The following MTMR3 variants were observed in gnomAD, a reference collection of about 807,000 sequenced individuals.
MTMR3 encodes the protein myotubularin related protein 3.
Under a neutral mutation model 132.4 loss-of-function variants are expected in MTMR3, and 32 were observed. The observed-to-expected ratio is 0.24, with a 90% CI of 0.18 to 0.32. The LOEUF (loss-of-function observed/expected upper bound fraction) is 0.32. Ranked by LOEUF, MTMR3 falls within the 10% of genes least tolerant of loss-of-function variation. MTMR3 has a pLI of 1.00. For synonymous variants in MTMR3, 556 were observed against 550.3 expected, an observed-to-expected ratio of 1.01 and a Z score of -0.14; for missense variants, 1,216 against 1,489.6, an observed-to-expected ratio of 0.82 and a Z score of 3.02.
At chr22:29,949,359 G>A (rs1156462382) in intron 1 of MTMR3, among the ~76,000 whole-genome samples, 2 of 151,492 alleles carry the variant, frequency 1.3e-5, no homozygotes, top group South Asian at 2.1e-4. Context: ...GTGTGGTGGC[G>A]GTGGCAGGCA....
intron 1 of MTMR3, among the ~76,000 whole-genome samples, chr22:29,918,246 T>C (rs960624807): frequency 3.3e-5 from 5 of 152,238 alleles, no homozygotes; most frequent in Non-Finnish European, 7.3e-5. Context: ...TAGAGGTGTA[T>C]AGTGCTTTCT....
intron 5 of MTMR3, 183 bp from the exon 6 acceptor site, chr22:29,988,297 A>T: frequency 2.5e-6 from 1 of 402,898 alleles, no homozygotes; most frequent in East Asian, 3.8e-5. Context: ...ATTTAGAGAT[A>T]AAGGGAAGTC....
intron 2 of MTMR3, among the ~76,000 whole-genome samples, chr22:29,966,864 G>A (rs1233643100): frequency 6.6e-6 from 1 of 151,220 alleles, no homozygotes; most frequent in Non-Finnish European, 1.5e-5. Context: ...TAACCATTTT[G>A]CTCAAATTAT....
chr22:30,007,828 T>C (rs369013072), intron 10 of MTMR3, 73 bp from the exon 11 acceptor site: 3 of 1,543,874 alleles, frequency 1.9e-6, no homozygotes, highest in Non-Finnish European at 1.8e-6. Context: ...TAAGATGTGC[T>C]TGTGGGTCTA....
At chr22:29,949,188 T>TGCGTGC (rs1748348632) in intron 1 of MTMR3, among the ~76,000 whole-genome samples, 1 of 112,908 alleles carries the variant, frequency 8.9e-6, no homozygotes, top group African/African-American at 3.4e-5. Flanking sequence ...CACACACACA[T>TGCGTGC]GCGTGCGCGT....
chr22:29,922,803 A>G (rs928708231), intron 1 of MTMR3, among the ~76,000 whole-genome samples: 7 of 152,196 alleles, frequency 4.6e-5, no homozygotes, highest in Admixed American at 2.0e-4. Flanking sequence ...CCCAGCCAGC[A>G]CTTAAAAAAA....
At chr22:29,940,376 A>T (rs895395213) in intron 1 of MTMR3, among the ~76,000 whole-genome samples, 3 of 151,032 alleles carry the variant, frequency 2.0e-5, no homozygotes, top group Non-Finnish European at 4.4e-5. Flanking sequence ...GCCTATCCCA[A>T]ACCTGTAAGA....
At chr22:29,924,754 T>C (rs139460636) in intron 1 of MTMR3, among the ~76,000 whole-genome samples, 2 of 152,322 alleles carry the variant, frequency 1.3e-5, no homozygotes, top group East Asian at 3.9e-4. Context: ...ATTTGTAGTT[T>C]TCAGTATAAT....
intron 17 of MTMR3, 101 bp downstream of exon 17, chr22:30,020,985 A>G (rs2067731385): frequency 2.6e-6 from 3 of 1,166,416 alleles, no homozygotes; most frequent in Non-Finnish European, 3.6e-6. Context: ...ACAGGTTGTT[A>G]AAGGATTGGA....
At chr22:29,947,088 A>T (rs1372576724) in intron 1 of MTMR3, among the ~76,000 whole-genome samples, 1 of 152,226 alleles carries the variant, frequency 6.6e-6, no homozygotes, top group Non-Finnish European at 1.5e-5. Context: ...GCATTTTAAC[A>T]TATATACATG....
chr22:29,935,487 C>G (rs998539084), intron 1 of MTMR3, among the ~76,000 whole-genome samples: 11 of 152,190 alleles, frequency 7.2e-5, no homozygotes, highest in African/African-American at 2.7e-4. Flanking sequence ...TCTTACCTTA[C>G]ACACTAGTAT....
rs111613315 is a variant in MTMR3, at chr22:29,909,386, C to T, written c.-138+26027C>T. 5.3e-3 allele frequency among the ~76,000 whole-genome samples: 808 copies of T among 152,162 alleles called. 3 individuals carry two copies. Among genetic ancestry groups the T allele is most frequent in the African/African-American group, 0.016 (679 of 41,496 alleles). The stretch of plus-strand genomic sequence containing the variant: ...TTTGAGATTGAGTGCTTTGACTTTT[C>T]TCTTGTTTTTGTATTTGCTGTATAT... On this transcript the variant is annotated intron_variant, in intron 1 of 19. Transcript: ENST00000401950.
At chr22:29,947,329 T>C (rs558853727) in intron 1 of MTMR3, among the ~76,000 whole-genome samples, 1 of 152,192 alleles carries the variant, frequency 6.6e-6, no homozygotes, top group African/African-American at 2.4e-5. Flanking sequence ...TCCAATTATT[T>C]GTCTGTGTGG....
At chr22:29,968,179 T>C (rs746379268) in intron 2 of MTMR3, among the ~76,000 whole-genome samples, 5 of 152,114 alleles carry the variant, frequency 3.3e-5, no homozygotes, top group African/African-American at 1.2e-4. Flanking sequence ...TCCTCAGAGG[T>C]TGTACCACTT....
chr22:30,012,485 C>T lies in MTMR3; in HGVS notation c.1239C>T (p.Cys413=), dbSNP rs1016586365. 3 of 1,614,036 alleles carry T rather than the reference C, an allele frequency of 1.9e-6. No homozygotes were observed. Among genetic ancestry groups the T allele is most frequent in the Non-Finnish European group, 1.7e-6 (2 of 1,180,036 alleles). ...DQDQRPVLVH[C]SDGWDRTPQI... ...ATCAGCGGCCGGTGCTAGTACACTG[C>T]TCAGATGGCTGGGACCGCACCCCCC... Residue 413 remains cysteine (C), a synonymous_variant, in exon 13 of 20, where the codon TGC becomes TGT. Coordinates refer to ENST00000401950, the MANE Select transcript of MTMR3 (RefSeq NM_021090.4).
intron 5 of MTMR3, chr22:29,982,973 G>GTGTGTGTGTGTGTGTGTGTA (rs992209270): frequency 2.0e-5 from 3 of 148,106 alleles, no homozygotes; most frequent in African/African-American, 7.4e-5. Flanking sequence ...GTGTGTGTGT[G>GTGTGTGTGTGTGTGTGTGTA]TGTATGTGTT....
chr22:30,019,362 T>C (rs896896112), intron 16 of MTMR3, 118 bp from the exon 17 acceptor site: 2 of 930,678 alleles, frequency 2.1e-6, no homozygotes, highest in Non-Finnish European at 3.2e-6. Flanking sequence ...ATGCTACAGC[T>C]CCATGAGTAG....
At chr22:30,002,206 C>T (rs2067190423) in intron 8 of MTMR3, 2 of 151,948 alleles carry the variant, frequency 1.3e-5, no homozygotes, top group East Asian at 3.9e-4. Context: ...ATAATTTGTT[C>T]TGAAGTATGT....
At chr22:29,960,501 G>A (rs912013848) in intron 2 of MTMR3, among the ~76,000 whole-genome samples, 24 of 152,220 alleles carry the variant, frequency 1.6e-4, no homozygotes, top group Admixed American at 6.5e-4. Flanking sequence ...GTTGGAAACT[G>A]TCCTATCCAA....
Sources: allele counts gnomAD v4.1 joint callset (sites outside exome capture counted in the v4.1 genomes callset), GRCh38; gene constraint gnomAD v4.1.1; transcripts MANE v1.5; gene names NCBI Gene and HGNC (gene_info 2026-07-23, HGNC 2026-07-21).